The following RPH3AL variants were observed in gnomAD, a reference collection of about 807,000 sequenced individuals.
The protein encoded by RPH3AL is rab effector Noc2.
A neutral mutation model predicts 43.1 loss-of-function variants in RPH3AL; 38 were observed. The ratio of observed to expected loss-of-function variants is 0.88; its 90% confidence interval spans 0.68 to 1.15. The LOEUF (loss-of-function observed/expected upper bound fraction) is 1.15. RPH3AL is among the 50% of genes most tolerant of loss of function. The probability of loss-of-function intolerance (pLI) is 0.00; values close to 1 mark genes in which losing one functional copy is unlikely to be tolerated. For synonymous variants in RPH3AL, 189 were observed against 176.3 expected (o/e 1.07, Z -0.57); for missense variants, 462 against 423.2 (o/e 1.09, Z -0.81).
intron 7 of RPH3AL, among the ~76,000 whole-genome samples, chr17:236,838 G>A (rs868250991): frequency 1.3e-5 from 2 of 152,274 alleles, no homozygotes; most frequent in Non-Finnish European, 2.9e-5. Flanking sequence ...ACAGCCTGAC[G>A]CTGCACGGCT....
At chr17:314,762 A>T (rs1254032383) in intron 5 of RPH3AL, among the ~76,000 whole-genome samples, 1 of 149,678 alleles carries the variant, frequency 6.7e-6, no homozygotes, top group African/African-American at 2.5e-5. Context: ...ATTGACCTGT[A>T]GTCTCTGTGA....
At chr17:239,901 T>C (rs1312745189) in intron 7 of RPH3AL, among the ~76,000 whole-genome samples, 2 of 152,122 alleles carry the variant, frequency 1.3e-5, no homozygotes, top group African/African-American at 4.8e-5. Flanking sequence ...AATGCTGGGA[T>C]TACAGGCATG....
Position 290,137 on chromosome 17 carries a change from C to T in RPH3AL, c.352-8283G>A, listed in dbSNP as rs1239113408. 1.3e-5 allele frequency among the ~76,000 whole-genome samples: 2 copies of T among 152,242 alleles called. No homozygotes were observed. Among genetic ancestry groups the T allele is most frequent in the African/African-American group, 2.4e-5 (1 of 41,464 alleles). On this transcript the variant is annotated intron_variant, in intron 5 of 9. Transcript: ENST00000331302. This position sits in a 1 kb window ranked among gnomAD's most constrained non-coding sequence, Gnocchi z 4.2. ...AGACAGGCTCCCTCCCGGAACATGC[C>T]GACCTGCCGGGAAGACAAGCTGCAC...
chr17:223,767 T>C (rs1037744683), intron 7 of RPH3AL, among the ~76,000 whole-genome samples: 1 of 152,190 alleles, frequency 6.6e-6, no homozygotes, highest in Non-Finnish European at 1.5e-5. Flanking sequence ...CTCCAGCCTC[T>C]GTCACCTTTC....
At chr17:298,801 C>G (rs1343940276) in intron 5 of RPH3AL, among the ~76,000 whole-genome samples, 1 of 152,084 alleles carries the variant, frequency 6.6e-6, no homozygotes, top group African/African-American at 2.4e-5. Context: ...TGTAGGATTT[C>G]TTAATATTCT....
chr17:236,370 G>A (rs1414686662), intron 7 of RPH3AL, among the ~76,000 whole-genome samples: 2 of 152,260 alleles, frequency 1.3e-5, no homozygotes, highest in Non-Finnish European at 2.9e-5. Context: ...AATGTCCCCT[G>A]CCCTGCCTCA....
At chr17:315,186 G>A (rs1555519328) in intron 5 of RPH3AL, among the ~76,000 whole-genome samples, 3 of 96,676 alleles carry the variant, frequency 3.1e-5, no homozygotes, top group Admixed American at 1.4e-4. Context: ...TTCACCTGTA[G>A]TCCCTGTGCT....
intron 6 of RPH3AL, among the ~76,000 whole-genome samples, chr17:269,081 T>G (rs1181714383): frequency 6.6e-6 from 1 of 152,262 alleles, no homozygotes; most frequent in South Asian, 2.1e-4. Context: ...GGTTTCACCG[T>G]GTTAGCCAGG....
chr17:291,656 A>G (rs2043051517), intron 5 of RPH3AL, among the ~76,000 whole-genome samples: 1 of 152,222 alleles, frequency 6.6e-6, no homozygotes, highest in African/African-American at 2.4e-5. Flanking sequence ...CCAGAAACCA[A>G]ATCTTCAAAA....
chr17:268,617 G>A (rs942850725), intron 6 of RPH3AL, among the ~76,000 whole-genome samples: 2 of 116,174 alleles, frequency 1.7e-5, no homozygotes, highest in African/African-American at 6.7e-5. Flanking sequence ...CTGAAGTACT[G>A]TGGCACCATC....
At chr17:317,604 G>A (rs2044322794) in intron 5 of RPH3AL, among the ~76,000 whole-genome samples, 1 of 152,174 alleles carries the variant, frequency 6.6e-6, no homozygotes, top group Non-Finnish European at 1.5e-5. Context: ...AGCCCGCACA[G>A]TCTTACACCC....
intron 7 of RPH3AL, among the ~76,000 whole-genome samples, chr17:229,766 G>A (rs1027881037): frequency 6.6e-6 from 1 of 152,082 alleles, no homozygotes; most frequent in Non-Finnish European, 1.5e-5. Flanking sequence ...GGGCCAGGGT[G>A]CAGGGTTGGG....
intron 5 of RPH3AL, among the ~76,000 whole-genome samples, chr17:316,349 C>T (rs1298429101): frequency 1.2e-4 from 18 of 151,434 alleles, no homozygotes; most frequent in South Asian, 4.2e-4. Context: ...GACCTGTAGT[C>T]TCTGTGCTCC....
intron 5 of RPH3AL, among the ~76,000 whole-genome samples, chr17:286,706 G>A (rs550762934): frequency 7.2e-5 from 11 of 152,292 alleles, no homozygotes; most frequent in East Asian, 3.9e-4. Context: ...GGACAGTCCC[G>A]GGGCCCAGGG....
intron 1 of RPH3AL, among the ~76,000 whole-genome samples, chr17:335,548 G>A (rs1192471099): frequency 2.6e-5 from 4 of 152,124 alleles, no homozygotes; most frequent in Non-Finnish European, 5.9e-5. Context: ...GAGCCCCCAC[G>A]TTTGGACAGG....
At chr17:244,197 T>C (rs1285686311) in intron 7 of RPH3AL, among the ~76,000 whole-genome samples, 1 of 119,834 alleles carries the variant, frequency 8.3e-6, no homozygotes, top group African/African-American at 3.1e-5. Context: ...TGATTACCCT[T>C]CCTCTATTGA....
At position 213,497 on chromosome 17, in the gene RPH3AL, A is replaced by G. The variant is rs1393494180; in HGVS notation, c.*355T>C. 2.6e-6 allele frequency: 1 copy of G among 381,692 alleles called. No homozygotes were observed. 23.6% of individuals were successfully genotyped at this position (381,692 alleles called of 1,614,324 possible). A position where few individuals can be genotyped will look rare whatever the true frequency, so the allele number is the denominator to read the frequency against. On this transcript the variant is annotated 3_prime_UTR_variant, in exon 10 of 10. Coordinates refer to ENST00000331302, the MANE Select transcript of RPH3AL (RefSeq NM_006987.4). ...TTGCCATTAATATAGCAACGGAGAT[A>G]GCCCCACCGGGCGGCCCCTCTGACA... is the stretch of plus-strand genomic sequence containing the variant.
In RPH3AL at chr17:289,935, C is replaced by T. The variant is rs768654277; in HGVS notation, c.352-8081G>A. On this transcript the variant is annotated intron_variant, in intron 5 of 9. Coordinates refer to ENST00000331302, the MANE Select transcript of RPH3AL (RefSeq NM_006987.4). The surrounding 1 kb of genome is among the most constrained non-coding windows in gnomAD (Gnocchi z 5.2). The stretch of plus-strand genomic sequence containing the variant: ...CTGTCAAGGTTGTGATTTTACCCTC[C>T]GCTGTGTGGCTGCAGGGCTCCTGTG... Among the ~76,000 whole-genome samples the T allele has an allele frequency of 6.6e-5, 10 of 152,208 alleles. No individual in the cohort carries two copies. The highest frequency in any genetic ancestry group is 2.1e-4 in the South Asian group (1 of 4,836).
intron 6 of RPH3AL, among the ~76,000 whole-genome samples, chr17:250,765 T>C (rs56384259): frequency 0.51 from 70,405 of 139,414 alleles, 17,416 homozygotes; most frequent in Non-Finnish European, 0.53. Flanking sequence ...TACCAAGCTC[T>C]GCCACTGCGG....
Sources: allele counts gnomAD v4.1 joint callset (sites outside exome capture counted in the v4.1 genomes callset), GRCh38; gene constraint gnomAD v4.1.1; non-coding constraint Gnocchi (gnomAD v3.1); transcripts MANE v1.5; gene names NCBI Gene and HGNC (gene_info 2026-07-23, HGNC 2026-07-21).